SLC38A8: variants seen among roughly 807,000 people sequenced by gnomAD.
The protein encoded by SLC38A8 is amino acid transporter SLC38A8.
A neutral mutation model predicts 46.0 loss-of-function variants in SLC38A8; 65 were observed. The ratio of observed to expected loss-of-function variants is 1.41; its 90% CI spans 1.16 to 1.74. SLC38A8 has a LOEUF of 1.74. SLC38A8 is among the 40% of genes most tolerant of loss of function. SLC38A8 has a pLI of 0.00. For synonymous variants in SLC38A8, 447 were observed against 243.7 expected, an observed-to-expected ratio of 1.83 and a Z score of -7.77; for missense variants, 998 against 567.9, an observed-to-expected ratio of 1.76 and a Z score of -7.70.
intron 9 of SLC38A8, among the ~76,000 whole-genome samples, chr16:84,014,258 C>G (rs903019722): frequency 6.7e-6 from 1 of 149,932 alleles, no homozygotes; most frequent in Admixed American, 6.6e-5. Context: ...GAGGGAGAAG[C>G]CACAAGGCCA....
At chr16:84,020,567 G>T (rs947729676) in intron 7 of SLC38A8, among the ~76,000 whole-genome samples, 1 of 152,306 alleles carries the variant, frequency 6.6e-6, no homozygotes, top group Middle Eastern at 3.4e-3. Context: ...TATACCTTCT[G>T]GGGCTGCAGC....
intron 6 of SLC38A8, among the ~76,000 whole-genome samples, chr16:84,024,657 T>C (rs953573770): frequency 1.3e-5 from 2 of 152,072 alleles, no homozygotes; most frequent in East Asian, 4.0e-4. Context: ...GGCAAGCACC[T>C]GTAATCCTAG....
chr16:84,013,422 G>GTTTTTTTT (rs369454720), intron 9 of SLC38A8, among the ~76,000 whole-genome samples: 2,862 of 108,784 alleles, frequency 0.026, 145 homozygotes, highest in African/African-American at 0.11. Flanking sequence ...TGTTGTGTGT[G>GTTTTTTTT]TGTTTTTTTT....
intron 3 of SLC38A8, among the ~76,000 whole-genome samples, chr16:84,033,842 T>G (rs1187171986): frequency 1.3e-5 from 2 of 152,170 alleles, no homozygotes. Context: ...TGAAGTCGAT[T>G]TTTGGCCACC....
intron 2 of SLC38A8, among the ~76,000 whole-genome samples, chr16:84,040,861 C>T (rs955604320): frequency 1.3e-5 from 2 of 152,180 alleles, no homozygotes; most frequent in African/African-American, 4.8e-5. Flanking sequence ...AACAAAGCTC[C>T]ATGAGGACAG....
At chr16:84,012,076 A>G (rs1388997682) in intron 10 of SLC38A8, among the ~76,000 whole-genome samples, 1 of 152,158 alleles carries the variant, frequency 6.6e-6, no homozygotes, top group Non-Finnish European at 1.5e-5. Context: ...TGGCTCCAGA[A>G]CTGGGGAAAA....
At chr16:84,019,910 C>G (rs1399086414) in intron 7 of SLC38A8, among the ~76,000 whole-genome samples, 1 of 152,272 alleles carries the variant, frequency 6.6e-6, no homozygotes, top group African/African-American at 2.4e-5. Flanking sequence ...GTGCCACCCC[C>G]TGGACACACT....
In SLC38A8 at chr16:84,042,093, G is replaced by T. The variant is rs1169373077; in HGVS notation, c.65C>A (p.Ala22Asp). 1.2e-6 allele frequency: 2 copies of T among 1,614,064 alleles called. No individual in the cohort carries two copies. Among genetic ancestry groups the T allele is most frequent in the East Asian group, 2.2e-5 (1 of 44,884 alleles). The change falls in exon 2 of 11, where the codon GCC (alanine) becomes GAC (aspartate). Residue 22 changes from alanine to aspartate, a missense_variant. By Grantham distance (126) the Ala-to-Asp change is moderately radical. Coordinates refer to ENST00000299709, the MANE Select transcript of SLC38A8 (RefSeq NM_001080442.3). ...GACAGCGCCCATCGAGGACAGAGTG[G>T]CAGCAGCCGTGGCAGGGTGAGGCTT... ...PEKPHPATAA[A>D]TLSSMGAVFI...
intron 2 of SLC38A8, among the ~76,000 whole-genome samples, chr16:84,039,433 C>T (rs1379797349): frequency 6.6e-6 from 1 of 152,120 alleles, no homozygotes; most frequent in Non-Finnish European, 1.5e-5. Context: ...TGCAGACACT[C>T]ATAAAACATC....
chr16:84,017,011 T>C, intron 8 of SLC38A8, 129 bp downstream of exon 8: 1 of 1,321,954 alleles, frequency 7.6e-7, no homozygotes, highest in Non-Finnish European at 1.0e-6. Flanking sequence ...TCTGTGCCTG[T>C]TTCCTCCTGT....
At chr16:84,017,528 G>C (rs1258461194) in intron 7 of SLC38A8, among the ~76,000 whole-genome samples, 1 of 152,204 alleles carries the variant, frequency 6.6e-6, no homozygotes, top group African/African-American at 2.4e-5. Context: ...CGCTCACAGA[G>C]CTGGTGCACG....
At chr16:84,040,013 G>T (rs376352238) in intron 2 of SLC38A8, 2 of 152,236 alleles carry the variant, frequency 1.3e-5, no homozygotes, top group Non-Finnish European at 2.9e-5. Flanking sequence ...GATCAGGTGC[G>T]TTCAAGGTGG....
chr16:84,009,840 C>A lies in SLC38A8; in HGVS notation c.1252G>T (p.Val418Phe), dbSNP rs762009855. 1 of 1,614,130 alleles carries A rather than the reference C, an allele frequency of 6.2e-7. No individual in the cohort carries two copies. The highest frequency in any genetic ancestry group is 1.1e-5 in the South Asian group (1 of 91,082). Residue 418 changes from valine to phenylalanine, a missense_variant, in exon 11 of 11, where the codon GTC becomes TTC. Val to Phe is a conservative substitution (Grantham distance 50). Transcript: ENST00000299709. ...LEVWGVVSVL[V>F]GTFIFGQSTA... ...CTCTGCCCAAAGATGAAGGTGCCGA[C>A]CAGCACAGAGACCACTCCCCAGACC...
Position 84,009,856 on chromosome 16 carries a change from T to TC in SLC38A8, c.1235dup (p.Val413SerfsTer28). On this transcript the variant is annotated frameshift_variant, in exon 11 of 11. Transcript: ENST00000299709. LOFTEE classifies it high-confidence loss of function. ...AGGTGCCGACCAGCACAGAGACCAC[T>TC]CCCCAGACCTCCAGGCAGCACCTGC... 1 of 1,613,792 alleles carries TC rather than the reference T, an allele frequency of 6.2e-7. No individual in the cohort carries two copies. The highest frequency in any genetic ancestry group is 8.5e-7 in the Non-Finnish European group (1 of 1,179,910).
chr16:84,031,650 G>A lies in SLC38A8; in HGVS notation c.632+217C>T, dbSNP rs139834576. Among the ~76,000 whole-genome samples the A allele has an allele frequency of 9.9e-3, 1,506 of 152,348 alleles. 17 individuals are homozygous for A. Among genetic ancestry groups the A allele is most frequent in the Non-Finnish European group, 0.014 (938 of 68,038 alleles). ...AGCCTTTGGCGGTTCTGCGTCCCTT[G>A]GCCTGTCCCGGTCATCGCTAGCCAC... is the stretch of plus-strand genomic sequence containing the variant. On this transcript the variant is annotated intron_variant, in intron 5 of 10. Transcript: ENST00000299709.
At chr16:84,009,953 A>G (rs2084935396) in intron 10 of SLC38A8, 76 bp from the exon 11 acceptor site, 1 of 1,304,894 alleles carries the variant, frequency 7.7e-7, no homozygotes, top group East Asian at 2.4e-5. Flanking sequence ...TAAAAAATTC[A>G]CTATGTAGAG....
rs773326037 is a variant in SLC38A8 at position 84,017,266 on chromosome 16, A to G, written c.827T>C (p.Phe276Ser). ...GACGTCAGCAGAAACTTCTGTCCCA[A>G]AAGTCAGGAAGCCATAAACCCCTGA... ...SLTGVYGFLT[F>S]GTEVSADVLM... Residue 276 changes from phenylalanine (F) to serine (S), a missense_variant, in exon 8 of 11, where the codon TTT (phenylalanine) becomes TCT (serine). Phe to Ser is a radical substitution (Grantham distance 155, BLOSUM62 -2). Transcript: ENST00000299709. 3 of 1,614,128 alleles carry G rather than the reference A, an allele frequency of 1.9e-6. No homozygotes were observed. The highest frequency in any genetic ancestry group is 2.2e-5 in the South Asian group (2 of 91,084).
chr16:84,026,508 T>C (rs1321175439), intron 6 of SLC38A8, among the ~76,000 whole-genome samples: 1 of 152,230 alleles, frequency 6.6e-6, no homozygotes, highest in Non-Finnish European at 1.5e-5. Context: ...GTTACAGGCA[T>C]GAGCCACCGT....
Position 84,036,859 on chromosome 16 carries a change from G to A in SLC38A8, c.231C>T (p.Gly77=), listed in dbSNP as rs749117409. 1 of 1,613,494 alleles carries A rather than the reference G, an allele frequency of 6.2e-7. No individual in the cohort carries two copies. Among genetic ancestry groups the A allele is most frequent in the Admixed American group, 1.7e-5 (1 of 60,012 alleles). ...CCTGGCCACTGACAGCAGCAGCATA[G>A]CCCAGGATGACCAGCCCGCTGATCA... ...VFLISGLVIL[G]YAAAVSGQAT... Residue 77 remains glycine, a synonymous_variant, in exon 3 of 11, where the codon GGC becomes GGT. Coordinates refer to ENST00000299709, the MANE Select transcript of SLC38A8 (RefSeq NM_001080442.3).
Sources: gnomAD v4.1 joint callset for allele counts (sites outside exome capture counted in the v4.1 genomes callset) on GRCh38, gnomAD v4.1.1 for gene constraint, MANE v1.5 for transcripts, NCBI Gene and HGNC (gene_info 2026-07-23, HGNC 2026-07-21) for gene names.